RPS6KC1: variants seen among roughly 807,000 people sequenced by gnomAD.
The protein encoded by RPS6KC1 is inactive ribosomal protein S6 kinase delta-1.
RPS6KC1 carries 54 observed loss-of-function variants against 103.8 expected under a neutral mutation model. The observed-to-expected ratio is 0.52, with a 90% CI of 0.42 to 0.65. The LOEUF (loss-of-function observed/expected upper bound fraction) is 0.65, where lower values mean the gene tolerates loss of function less well. RPS6KC1 is among the 30% of genes least tolerant of loss of function. RPS6KC1 has a pLI of 0.00. For missense variants in RPS6KC1, 1,151 were observed against 1,253.8 expected (o/e 0.92, Z 1.24); for synonymous variants, 439 against 438.7 (o/e 1.00, Z -0.01).
At chr1:213,248,063 G>T (rs1383171211) in intron 12 of RPS6KC1, among the ~76,000 whole-genome samples, 2 of 152,118 alleles carry the variant, frequency 1.3e-5, no homozygotes, top group African/African-American at 4.8e-5. Flanking sequence ...GAAATATTTA[G>T]ATGTGATAAT....
the RPS6KC1 span, among the ~76,000 whole-genome samples, chr1:213,811,546 G>A: frequency 6.6e-6 from 1 of 152,224 alleles, no homozygotes; most frequent in Admixed American, 6.5e-5. Context: ...TAGGCCATAG[G>A]AAAAGGGCAT....
chr1:213,312,262 C>T, the RPS6KC1 span, among the ~76,000 whole-genome samples: 1 of 152,012 alleles, frequency 6.6e-6, no homozygotes, highest in African/African-American at 2.4e-5. Context: ...GGGGGGGCAA[C>T]TGCACCCCAT....
At chr1:213,540,575 T>C in the RPS6KC1 span, among the ~76,000 whole-genome samples, 1 of 152,224 alleles carries the variant, frequency 6.6e-6, no homozygotes, top group Non-Finnish European at 1.5e-5. Flanking sequence ...GGTCTTGAAC[T>C]CCTGAGCTCA....
Position 213,241,397 on chromosome 1 carries a change from G to T in RPS6KC1, c.1921G>T (p.Ala641Ser), listed in dbSNP as rs764201065. The T allele has an allele frequency of 1.9e-6, 3 of 1,613,804 alleles. No homozygotes were observed. The highest frequency in any genetic ancestry group is 1.7e-5 in the Admixed American group (1 of 59,926). The change falls in exon 11 of 15, where the codon GCT (alanine) becomes TCT (serine). Residue 641 changes from alanine to serine, a missense_variant. Around this residue, in one of 3 missense-constraint regions of RPS6KC1, gnomAD observed 959 missense variants for 1,006.3 expected, o/e 0.95. Coordinates refer to ENST00000366960, the MANE Select transcript of RPS6KC1 (RefSeq NM_012424.6). ...CTTTACTCTTCCAGATGGAGACAGT[G>T]CTTCTAGGAGTTTTAATACTAGTGA... is the stretch of plus-strand genomic sequence containing the variant. ...PFFTLPDGDS[A>S]SRSFNTSESK...
chr1:213,831,407 G>T, the RPS6KC1 span, among the ~76,000 whole-genome samples: 3 of 152,182 alleles, frequency 2.0e-5, no homozygotes. Context: ...GGGGCCACAA[G>T]CCAAGGAATG....
At chr1:213,487,763 C>G in the RPS6KC1 span, among the ~76,000 whole-genome samples, 1 of 152,098 alleles carries the variant, frequency 6.6e-6, no homozygotes, top group Non-Finnish European at 1.5e-5. Context: ...CTCAGGGTAT[C>G]TAAGGTTATT....
the RPS6KC1 span, among the ~76,000 whole-genome samples, chr1:213,765,848 C>A: frequency 1.3e-5 from 2 of 152,148 alleles, no homozygotes; most frequent in East Asian, 1.9e-4. Context: ...TTTATAATAT[C>A]ATTTTGTGGT....
chr1:213,725,259 C>T, the RPS6KC1 span, among the ~76,000 whole-genome samples: 9 of 152,222 alleles, frequency 5.9e-5, no homozygotes, highest in East Asian at 9.6e-4. Context: ...ACACTGGGCA[C>T]GAGCCCAGCA....
chr1:213,590,256 AG>A, the RPS6KC1 span, among the ~76,000 whole-genome samples: 1 of 152,116 alleles, frequency 6.6e-6, no homozygotes, highest in Non-Finnish European at 1.5e-5. Flanking sequence ...CTCTCTTCCA[AG>A]GAAAGGTGAC....
At chr1:213,363,625 G>T in the RPS6KC1 span, among the ~76,000 whole-genome samples, 1,638 of 73,594 alleles carry the variant, frequency 0.022, 118 homozygotes, top group African/African-American at 0.055. Flanking sequence ...TTGCTTGCTT[G>T]CTTTCTTTCT....
intron 6 of RPS6KC1, among the ~76,000 whole-genome samples, chr1:213,136,903 G>A (rs1422579032): frequency 6.6e-6 from 1 of 152,086 alleles, no homozygotes; most frequent in African/African-American, 2.4e-5. Flanking sequence ...TTGCTATGTT[G>A]CCCAGACTGT....
the RPS6KC1 span, among the ~76,000 whole-genome samples, chr1:213,524,293 A>G: frequency 6.6e-6 from 1 of 152,028 alleles, no homozygotes; most frequent in Non-Finnish European, 1.5e-5. Flanking sequence ...ACCATCACCC[A>G]GAAAGCAGAG....
At chr1:213,601,457 G>A in the RPS6KC1 span, among the ~76,000 whole-genome samples, 1 of 146,938 alleles carries the variant, frequency 6.8e-6, no homozygotes, top group Admixed American at 6.8e-5. Flanking sequence ...TTTACTATAT[G>A]TAAATATATA....
At chr1:213,540,099 G>T in the RPS6KC1 span, among the ~76,000 whole-genome samples, 1 of 152,068 alleles carries the variant, frequency 6.6e-6, no homozygotes, top group African/African-American at 2.4e-5. Flanking sequence ...GAAGGTTGGG[G>T]TGGCTGTGGC....
At chr1:213,314,588 C>G in the RPS6KC1 span, among the ~76,000 whole-genome samples, 1 of 151,772 alleles carries the variant, frequency 6.6e-6, no homozygotes, top group Non-Finnish European at 1.5e-5. Context: ...ACCAAAGGCT[C>G]TGAGGAATCC....
At chr1:213,602,120 C>CTTTCTCTTTCTT in the RPS6KC1 span, among the ~76,000 whole-genome samples, 1 of 5,152 alleles carries the variant, frequency 1.9e-4, no homozygotes, top group African/African-American at 6.7e-4. Context: ...TTCTTTCTTT[C>CTTTCTCTTTCTT]TCTTTCTTTC....
At chr1:213,193,566 T>G (rs2092828813) in intron 8 of RPS6KC1, among the ~76,000 whole-genome samples, 1 of 151,716 alleles carries the variant, frequency 6.6e-6, no homozygotes, top group Admixed American at 6.6e-5. Flanking sequence ...CTGGCCTCTT[T>G]GTTGATTTTC....
chr1:213,378,021 T>G, the RPS6KC1 span, among the ~76,000 whole-genome samples: 36 of 152,308 alleles, frequency 2.4e-4, no homozygotes, highest in African/African-American at 8.7e-4. Context: ...TTTAAGCCCC[T>G]TGAGAGACCT....
chr1:213,241,255 A>C lies in RPS6KC1; in HGVS notation c.1779A>C (p.Ser593=). The C allele has an allele frequency of 6.2e-7, 1 of 1,613,848 alleles. No homozygotes were observed. Among genetic ancestry groups the C allele is most frequent in the Non-Finnish European group, 8.5e-7 (1 of 1,179,848 alleles). Residue 593 remains serine, a synonymous_variant, in exon 11 of 15, where the codon TCA becomes TCC. Coordinates refer to ENST00000366960, the MANE Select transcript of RPS6KC1 (RefSeq NM_012424.6). ...GAACATCAGATTCCCTCAGTAGATC[A>C]AAAAATAGCCCCATGGAATTCTTTA... is the stretch of plus-strand genomic sequence containing the variant. ...SPRTSDSLSR[S]KNSPMEFFRI... is the part of the protein sequence containing the mutation.
Sources: allele counts gnomAD v4.1 joint callset (sites outside exome capture counted in the v4.1 genomes callset), GRCh38; gene constraint gnomAD v4.1.1; regional missense constraint gnomAD v4.1.1; transcripts MANE v1.5; gene names NCBI Gene and HGNC (gene_info 2026-07-23, HGNC 2026-07-21).